ADNP: variants seen among roughly 807,000 people sequenced by gnomAD.
ADNP encodes activity-dependent neuroprotector homeobox protein.
ADNP carries 4 observed loss-of-function variants against 84.9 expected under a neutral mutation model. The observed-to-expected ratio is 0.05, with a 90% CI of 0.02 to 0.11. The LOEUF is 0.11. ADNP is among the 10% of genes least tolerant of loss of function. The pLI is 1.00. For synonymous variants in ADNP, 554 were observed against 468.1 expected, an observed-to-expected ratio of 1.18 and a Z score of -2.37; for missense variants, 1,132 against 1,326.0, an observed-to-expected ratio of 0.85 and a Z score of 2.27.
chr20:50,895,075 T>A (rs1188805112), intron 5 of ADNP, among the ~76,000 whole-genome samples: 1 of 152,198 alleles, frequency 6.6e-6, no homozygotes, highest in African/African-American at 2.4e-5. Context: ...CAAAGACAAA[T>A]GACTTGAAGA....
At chr20:50,908,126 A>G (rs1982666085) in intron 2 of ADNP, among the ~76,000 whole-genome samples, 1 of 150,560 alleles carries the variant, frequency 6.6e-6, no homozygotes, top group Non-Finnish European at 1.5e-5. Flanking sequence ...CACCTTCAAA[A>G]GCATTTGCAA....
At chr20:50,927,985 A>T (rs983121095) in intron 2 of ADNP, among the ~76,000 whole-genome samples, 9 of 152,254 alleles carry the variant, frequency 5.9e-5, no homozygotes, top group African/African-American at 2.2e-4. Context: ...TACAAATACT[A>T]TACAGTATTT....
In ADNP at chr20:50,931,259, G is replaced by GGGGC. The variant is rs1984750640; in HGVS notation, c.-699_-698insGCCC. On this transcript the variant is annotated 5_prime_UTR_variant, in exon 1 of 6. Transcript: ENST00000621696. ...ACAAGATGGCGGCGGCCGGGGGGGG[G>GGGGC]GGGGCGGGAGTTCAGCTCATGGATC... 9.6e-6 allele frequency: 1 copy of GGGGC among 103,922 alleles called. No individual in the cohort carries two copies. Among genetic ancestry groups the GGGGC allele is most frequent in the Non-Finnish European group, 2.1e-5 (1 of 48,442 alleles). The allele number at this position is 103,922 out of a possible 1,614,324, so 6.4% of individuals were successfully genotyped here.
chr20:50,929,487 T>C (rs985833398), intron 1 of ADNP, among the ~76,000 whole-genome samples: 10 of 152,202 alleles, frequency 6.6e-5, no homozygotes, highest in Non-Finnish European at 1.5e-4. Flanking sequence ...CATTTTCCCA[T>C]GGTCTGTAGA....
intron 4 of ADNP, among the ~76,000 whole-genome samples, chr20:50,902,914 TC>T (rs896023506): frequency 6.6e-6 from 1 of 152,212 alleles, no homozygotes; most frequent in Non-Finnish European, 1.5e-5. Context: ...AAGGGCTACT[TC>T]CACACTTGGA....
chr20:50,919,331 G>A (rs1453045473), intron 2 of ADNP, among the ~76,000 whole-genome samples: 1 of 139,956 alleles, frequency 7.1e-6, no homozygotes, highest in Non-Finnish European at 1.5e-5. Flanking sequence ...AAAGCCAGGT[G>A]TGATGGTGCA....
At chr20:50,897,097 C>T (rs931087061) in intron 5 of ADNP, among the ~76,000 whole-genome samples, 8 of 152,142 alleles carry the variant, frequency 5.3e-5, no homozygotes, top group African/African-American at 1.7e-4. Flanking sequence ...CACCACCACG[C>T]CCGGCTAATT....
In ADNP at chr20:50,891,429, A is replaced by C. The variant is rs754719375; in HGVS notation, c.3285T>G (p.Val1095=). The C allele has an allele frequency of 4.3e-6, 7 of 1,610,336 alleles. No homozygotes were observed. The East Asian group carries it at 1.6e-4, about 36-fold the overall frequency. The change falls in exon 6 of 6, where the codon GTT becomes GTG. Residue 1095 remains valine, a synonymous_variant. Transcript: ENST00000621696. ...CTTAGGCCTGTTGGCTGCTCAGTTTAACTCCGGCTAAGCTGCCATGCATGG... is the reference window on the plus strand; with the variant it reads ...CTTAGGCCTGTTGGCTGCTCAGTTTCACTCCGGCTAAGCTGCCATGCATGG... ...AEPMHGSLAG[V]KLSSQQA
rs897653211 is a variant in ADNP at position 50,892,191 on chromosome 20, A to G, written c.2523T>C (p.Asp841=). ...LNKVKHEMDF[D]AEWLFENHDE... is the part of the protein sequence containing the mutation. ...CATGATTTTCAAATAGCCACTCAGC[A>G]TCAAAATCCATCTCATGCTTGACTT... Residue 841 remains aspartate (D), a synonymous_variant, in exon 6 of 6, where the codon GAT becomes GAC. Transcript: ENST00000621696. 17 of 1,614,060 alleles carry G rather than the reference A, an allele frequency of 1.1e-5. No individual in the cohort carries two copies. The highest frequency in any genetic ancestry group is 2.2e-5 in the East Asian group (1 of 44,892).
At chr20:50,929,543 C>A (rs571375751) in intron 1 of ADNP, among the ~76,000 whole-genome samples, 1 of 152,196 alleles carries the variant, frequency 6.6e-6, no homozygotes, top group East Asian at 1.9e-4. Flanking sequence ...GCCCTTCCCC[C>A]CTCTGCAGCC....
At chr20:50,901,610 A>AG (rs1371772323) in intron 5 of ADNP, among the ~76,000 whole-genome samples, 1 of 152,170 alleles carries the variant, frequency 6.6e-6, no homozygotes, top group Non-Finnish European at 1.5e-5. Context: ...TCACTTCCCC[A>AG]GGCCTCCCAT....
Position 50,891,789 on chromosome 20 carries a change from C to T in ADNP, c.2925G>A (p.Gly975=). 1 of 1,614,150 alleles carries T rather than the reference C, an allele frequency of 6.2e-7. No homozygotes were observed. The highest frequency in any genetic ancestry group is 1.3e-5 in the African/African-American group (1 of 75,030). The change falls in exon 6 of 6, where the codon GGG becomes GGA. Residue 975 remains glycine (G), a synonymous_variant. Transcript: ENST00000621696. Reference sequence around the variant, plus strand: ...AGTCTGACACTTGTTGGGATCCAGGCCCACTCTCAGATGGAGAAGCACCGT... The same window carrying T: ...AGTCTGACACTTGTTGGGATCCAGGTCCACTCTCAGATGGAGAAGCACCGT... ...WKDGASPSES[G]PGSQQVSDFE...
At chr20:50,923,282 C>G (rs1237848425) in intron 2 of ADNP, among the ~76,000 whole-genome samples, 2 of 152,140 alleles carry the variant, frequency 1.3e-5, no homozygotes, top group Non-Finnish European at 2.9e-5. Flanking sequence ...TTATGCTCTA[C>G]CGAAACTACT....
rs546013855 is a variant in ADNP at position 50,931,398 on chromosome 20, G to A, written c.-837C>T. ...AGACAATACAAGCGCCTCGGACCGA[G>A]TCCCCGAACCTGCCCTAGCCAAAAT... On this transcript the variant is annotated 5_prime_UTR_variant, in exon 1 of 6. Transcript: ENST00000621696. 6.6e-6 allele frequency: 1 copy of A among 152,624 alleles called. No homozygotes were observed. The highest frequency in any genetic ancestry group is 1.5e-5 in the Non-Finnish European group (1 of 68,370). The allele number at this position is 152,624 out of a possible 1,614,324, so 9.5% of individuals were successfully genotyped here.
chr20:50,907,262 C>T (rs549519087), intron 2 of ADNP, among the ~76,000 whole-genome samples: 29 of 135,408 alleles, frequency 2.1e-4, no homozygotes, highest in East Asian at 4.5e-4. Context: ...ACAGCCACCG[C>T]GCCCGGCATT....
At position 50,890,131 on chromosome 20, in the gene ADNP, TAAAA is replaced by T. The variant is rs150489825; in HGVS notation, c.*1270_*1273del. 6,903 of 81,298 alleles carry T rather than the reference TAAAA, an allele frequency of 0.085. 645 individuals are homozygous for T. The highest frequency in any genetic ancestry group is 0.23 in the African/African-American group (6,054 of 26,040). 5.0% of individuals were successfully genotyped at this position (81,298 alleles called of 1,614,324 possible). A position where few individuals can be genotyped will look rare whatever the true frequency, so the allele number is the denominator to read the frequency against. The stretch of plus-strand genomic sequence containing the variant: ...AACTCAAGGGTGTTTGTTTTTCAGT[TAAAA>T]AAAAAAAAAAAAAAAAAAAAAAAAA... On this transcript the variant is annotated 3_prime_UTR_variant, in exon 6 of 6. Coordinates refer to ENST00000621696, the MANE Select transcript of ADNP (RefSeq NM_001282531.3).
Position 50,894,179 on chromosome 20 carries a change from T to A in ADNP, c.535A>T (p.Ile179Leu), listed in dbSNP as rs144798768. ...TCCCTGTAAATGTGCTTCCTAACTA[T>A]TTCATAAAGAGGATCTCGGTAAGTG... Reference protein sequence around the residue: ...KCTYRDPLYEIVRKHIYREHF... With the variant: ...KCTYRDPLYELVRKHIYREHF... The change falls in exon 6 of 6, where the codon ATA becomes TTA. Residue 179 changes from isoleucine to leucine, a missense_variant. Ile to Leu is a conservative substitution (Grantham distance 5, BLOSUM62 2). This residue lies in a region of ADNP where 130 missense variants were observed against 183.7 expected (regional missense o/e 0.71). Transcript: ENST00000621696. 1 of 1,614,158 alleles carries A rather than the reference T, an allele frequency of 6.2e-7. No homozygotes were observed.
chr20:50,889,225 A>T lies in ADNP; in HGVS notation c.*2180T>A, dbSNP rs1980391970. The T allele has an allele frequency of 6.6e-6, 1 of 152,178 alleles. No homozygotes were observed. The highest frequency in any genetic ancestry group is 6.5e-5 in the Admixed American group (1 of 15,272). 9.4% of individuals were successfully genotyped at this position (152,178 alleles called of 1,614,324 possible). A position where few individuals can be genotyped will look rare whatever the true frequency, so the allele number is the denominator to read the frequency against. ...GTGTCTGTTCCGATATCCAACTGGGACCTGGACCCCAAGCCCCGTGGTGTC... is the reference window on the plus strand; with the variant it reads ...GTGTCTGTTCCGATATCCAACTGGGTCCTGGACCCCAAGCCCCGTGGTGTC... On this transcript the variant is annotated 3_prime_UTR_variant, in exon 6 of 6. Coordinates refer to ENST00000621696, the MANE Select transcript of ADNP (RefSeq NM_001282531.3).
In ADNP at chr20:50,891,090, CA is replaced by C; in HGVS notation, c.*314del. Reference sequence around the variant, plus strand: ...TTAACACTTCTCAAAGACATCTGACCAATCATTTCACAGAGGGAAAGAAATG... The same window carrying C: ...TTAACACTTCTCAAAGACATCTGACCATCATTTCACAGAGGGAAAGAAATG... On this transcript the variant is annotated 3_prime_UTR_variant, in exon 6 of 6. Transcript: ENST00000621696. 2 of 1,137,922 alleles carry C rather than the reference CA, an allele frequency of 1.8e-6. No individual in the cohort carries two copies. The highest frequency in any genetic ancestry group is 2.2e-6 in the Non-Finnish European group (2 of 928,088). 70.5% of individuals were successfully genotyped at this position (1,137,922 alleles called of 1,614,324 possible). A position where few individuals can be genotyped will look rare whatever the true frequency, so the allele number is the denominator to read the frequency against.
Sources: allele counts gnomAD v4.1 joint callset (sites outside exome capture counted in the v4.1 genomes callset), GRCh38; gene constraint gnomAD v4.1.1; regional missense constraint gnomAD v4.1.1; transcripts MANE v1.5; gene names NCBI Gene and HGNC (gene_info 2026-07-23, HGNC 2026-07-21).